The following MKLN1 variants were observed in gnomAD, a reference collection of about 807,000 sequenced individuals.
MKLN1 encodes muskelin 1, also known as muskelin.
Under a neutral mutation model 99.0 loss-of-function variants are expected in MKLN1, and 18 were observed. The observed-to-expected ratio is 0.18, with a 90% CI of 0.13 to 0.27. The LOEUF (loss-of-function observed/expected upper bound fraction) is 0.27. MKLN1 is among the 10% of genes least tolerant of loss of function. MKLN1 has a pLI of 1.00. For missense variants in MKLN1, 621 were observed against 875.9 expected (o/e 0.71, Z 3.67); for synonymous variants, 288 against 293.2 (o/e 0.98, Z 0.18).
intron 3 of MKLN1, among the ~76,000 whole-genome samples, chr7:131,244,098 T>A (rs1246185241): frequency 6.6e-6 from 1 of 152,158 alleles, no homozygotes; most frequent in Non-Finnish European, 1.5e-5. Flanking sequence ...AGGCCCATTT[T>A]TCTAATTGAG....
At chr7:131,225,147 T>C (rs539391449) in intron 3 of MKLN1, among the ~76,000 whole-genome samples, 15 of 151,690 alleles carry the variant, frequency 9.9e-5, no homozygotes, top group African/African-American at 2.9e-4. Flanking sequence ...TGTAATAAAA[T>C]ACCATAGACT....
intron 12 of MKLN1, among the ~76,000 whole-genome samples, chr7:131,460,089 T>A (rs1264054216): frequency 6.6e-6 from 1 of 152,328 alleles, no homozygotes; most frequent in Non-Finnish European, 1.5e-5. Context: ...CTTTTCATAG[T>A]CCCTGCTCCT....
chr7:131,439,279 T>A (rs944246808), intron 10 of MKLN1, among the ~76,000 whole-genome samples: 4 of 152,134 alleles, frequency 2.6e-5, no homozygotes, highest in African/African-American at 9.7e-5. Flanking sequence ...TTACAAAAGA[T>A]GCTGATGTCT....
intron 12 of MKLN1, among the ~76,000 whole-genome samples, chr7:131,459,075 G>A (rs1312631343): frequency 1.3e-5 from 2 of 152,164 alleles, no homozygotes; most frequent in Admixed American, 1.3e-4. Flanking sequence ...TTTTTGCTAA[G>A]ATTTAATGAA....
chr7:131,294,732 C>T (rs771232159), intron 3 of MKLN1, among the ~76,000 whole-genome samples: 1 of 152,166 alleles, frequency 6.6e-6, no homozygotes, highest in Non-Finnish European at 1.5e-5. Flanking sequence ...TCCACAGGAA[C>T]CAAAGTCTAG....
intron 2 of MKLN1, among the ~76,000 whole-genome samples, chr7:131,375,862 A>G (rs1793630816): frequency 6.7e-6 from 1 of 149,836 alleles, no homozygotes; most frequent in South Asian, 2.1e-4. Flanking sequence ...TAATATTAAA[A>G]TAATATTTAA....
At chr7:131,406,745 G>A (rs773229377) in intron 6 of MKLN1, among the ~76,000 whole-genome samples, 8 of 152,024 alleles carry the variant, frequency 5.3e-5, no homozygotes, top group African/African-American at 1.7e-4. Context: ...TTTGCTAGAT[G>A]TAGAATTCCA....
chr7:131,242,950 A>T, intron 3 of MKLN1: 1 of 651,006 alleles, frequency 1.5e-6, no homozygotes, highest in Non-Finnish European at 2.9e-6. Context: ...AAGTTTGAAG[A>T]GAGATACAAG....
At chr7:131,443,988 G>A (rs559361983) in intron 11 of MKLN1, among the ~76,000 whole-genome samples, 3 of 151,932 alleles carry the variant, frequency 2.0e-5, no homozygotes, top group South Asian at 2.1e-4. Context: ...TTCCACTTAC[G>A]TCTCTTAGTA....
Position 131,394,061 on chromosome 7 carries a change from T to C in MKLN1, c.401-3206T>C, listed in dbSNP as rs1794283983. Reference sequence around the variant, plus strand: ...TTCTGACTCTTATACTACTAGATGGTTATTGCTATGTGATTTAGTAGATAA... The same window carrying C: ...TTCTGACTCTTATACTACTAGATGGCTATTGCTATGTGATTTAGTAGATAA... On this transcript the variant is annotated intron_variant, in intron 4 of 17. Coordinates refer to ENST00000352689, the MANE Select transcript of MKLN1 (RefSeq NM_013255.5). Among the ~76,000 whole-genome samples the C allele has an allele frequency of 2.6e-5, 4 of 152,056 alleles. No individual in the cohort carries two copies. In the South Asian group the frequency reaches 8.3e-4, roughly 32 times the overall value.
chr7:131,450,828 T>G (rs1193778410), intron 12 of MKLN1, among the ~76,000 whole-genome samples: 1 of 152,236 alleles, frequency 6.6e-6, no homozygotes, highest in African/African-American at 2.4e-5. Context: ...GCTCTAGCCA[T>G]CATTGTTAAC....
intron 3 of MKLN1, among the ~76,000 whole-genome samples, chr7:131,303,170 A>T (rs541297546): frequency 6.6e-6 from 1 of 152,310 alleles, no homozygotes; most frequent in South Asian, 2.1e-4. Flanking sequence ...AGCTCCAACT[A>T]AGCTCTGCAA....
At chr7:131,449,894 T>A (rs2116541993) in intron 12 of MKLN1, among the ~76,000 whole-genome samples, 1 of 152,282 alleles carries the variant, frequency 6.6e-6, no homozygotes, top group East Asian at 1.9e-4. Flanking sequence ...CAAATTAGAT[T>A]TTAAGGAAAA....
intron 1 of MKLN1, among the ~76,000 whole-genome samples, chr7:131,374,824 A>G (rs1793589613): frequency 6.6e-6 from 1 of 152,068 alleles, no homozygotes; most frequent in African/African-American, 2.4e-5. Flanking sequence ...TGTTTGATAT[A>G]TGTAATATAT....
At chr7:131,234,537 T>C (rs1331224593) in intron 3 of MKLN1, among the ~76,000 whole-genome samples, 1 of 152,158 alleles carries the variant, frequency 6.6e-6, no homozygotes, top group Non-Finnish European at 1.5e-5. Flanking sequence ...CCAGCTTGTG[T>C]TCTGGGAAGC....
At chr7:131,166,665 C>A (rs550330959) in intron 2 of MKLN1, among the ~76,000 whole-genome samples, 73 of 152,294 alleles carry the variant, frequency 4.8e-4, no homozygotes, top group African/African-American at 1.7e-3. Context: ...TCCCTCACTT[C>A]TTTTGGCTCT....
intron 12 of MKLN1, among the ~76,000 whole-genome samples, chr7:131,454,256 A>G (rs1038839649): frequency 2.0e-5 from 3 of 152,218 alleles, no homozygotes; most frequent in African/African-American, 4.8e-5. Context: ...TTGACCATCA[A>G]CTTATTTGAT....
intron 1 of MKLN1, among the ~76,000 whole-genome samples, chr7:131,347,813 C>T (rs1005068825): frequency 6.6e-6 from 1 of 152,030 alleles, no homozygotes; most frequent in Non-Finnish European, 1.5e-5. Context: ...ATTAATATTA[C>T]TAGTAAGCTT....
chr7:131,153,664 G>GTT lies in MKLN1; in HGVS notation c.-297+10738_-297+10739dup, dbSNP rs11464377. Among the ~76,000 whole-genome samples, 565 of 139,488 alleles carry GTT rather than the reference G, an allele frequency of 4.1e-3. 13 individuals carry two copies. The highest frequency in any genetic ancestry group is 8.5e-3 in the South Asian group (39 of 4,566). 91.5% of individuals were successfully genotyped at this position (139,488 alleles called of 152,430 possible). On this transcript the variant is annotated intron_variant, in intron 2 of 7. Coordinates refer to the MKLN1 transcript ENST00000416992. ...ACAAAATGAAAGTAGGTTTTTTTTG[G>GTT]TTTTTTTTTTTTTTTTGAGAAGGAG...
Sources: gnomAD v4.1 joint callset for allele counts (sites outside exome capture counted in the v4.1 genomes callset) on GRCh38, gnomAD v4.1.1 for gene constraint, MANE v1.5 for transcripts, NCBI Gene and HGNC (gene_info 2026-07-23, HGNC 2026-07-21) for gene names.